SRGAP3: variants seen among roughly 807,000 people sequenced by gnomAD.
SRGAP3 encodes SLIT-ROBO Rho GTPase-activating protein 3.
Under a neutral mutation model 121.1 loss-of-function variants are expected in SRGAP3, and 39 were observed. That is an observed-to-expected ratio of 0.32 (90% CI 0.25 to 0.42). SRGAP3 has a LOEUF of 0.42. Among genes scored for constraint, SRGAP3 ranks in the 10% least tolerant of loss-of-function variants. The pLI, the probability that SRGAP3 is intolerant of heterozygous loss-of-function variation, is 1.00. For synonymous variants in SRGAP3, 601 were observed against 570.0 expected, an observed-to-expected ratio of 1.05 and a Z score of -0.77; for missense variants, 1,213 against 1,470.6, an observed-to-expected ratio of 0.82 and a Z score of 2.86.
In SRGAP3 at chr3:9,124,353, C is replaced by T. The variant is rs112762196; in HGVS notation, c.260+372G>A. 4.9e-4 allele frequency among the ~76,000 whole-genome samples: 75 copies of T among 152,266 alleles called. No individual in the cohort carries two copies. In the South Asian group the frequency reaches 5.8e-3, roughly 12 times the overall value. On this transcript the variant is annotated intron_variant, in intron 2 of 21. Coordinates refer to ENST00000383836, the MANE Select transcript of SRGAP3 (RefSeq NM_014850.4). ...ACACCCAAATAAAGGACAACTGGATCGGGACAGGATGTCCTGAAGGGAGGT... is the reference window on the plus strand; with the variant it reads ...ACACCCAAATAAAGGACAACTGGATTGGGACAGGATGTCCTGAAGGGAGGT...
At chr3:9,160,834 AG>A (rs1481247353) in intron 1 of SRGAP3, among the ~76,000 whole-genome samples, 1 of 152,252 alleles carries the variant, frequency 6.6e-6, no homozygotes, top group African/African-American at 2.4e-5. Context: ...CTATTCCCCA[AG>A]TTTATCACAC....
chr3:9,013,245 T>G (rs532296680), intron 17 of SRGAP3, 63 bp downstream of exon 17: 2 of 1,514,650 alleles, frequency 1.3e-6, no homozygotes, highest in South Asian at 2.3e-5. Flanking sequence ...GGTTTCTTAT[T>G]GTTCCTATTC....
intron 1 of SRGAP3, among the ~76,000 whole-genome samples, chr3:9,164,632 C>G (rs568846060): frequency 6.6e-6 from 1 of 152,290 alleles, no homozygotes; most frequent in African/African-American, 2.4e-5. Flanking sequence ...CTCACAGATG[C>G]ACACAGTTTT....
chr3:9,258,302 T>G (rs1186283341), intron 3 of SRGAP3, among the ~76,000 whole-genome samples: 1 of 152,040 alleles, frequency 6.6e-6, no homozygotes, highest in Non-Finnish European at 1.5e-5. Flanking sequence ...GGGAAAGTAT[T>G]CCCAGCTAAG....
chr3:9,350,881 AC>A (rs1300210565), intron 1 of SRGAP3, among the ~76,000 whole-genome samples: 4 of 152,070 alleles, frequency 2.6e-5, no homozygotes, highest in African/African-American at 9.7e-5. Context: ...ATAACAAACT[AC>A]CCCAAAACTT....
At chr3:9,061,696 A>C (rs1175572798) in intron 5 of SRGAP3, among the ~76,000 whole-genome samples, 4 of 152,206 alleles carry the variant, frequency 2.6e-5, no homozygotes, top group African/African-American at 9.6e-5. Context: ...GTCCCTGCAC[A>C]AGGTCATTTT....
chr3:9,280,075 A>G (rs1954649830), intron 3 of SRGAP3, among the ~76,000 whole-genome samples: 2 of 152,220 alleles, frequency 1.3e-5, no homozygotes, highest in African/African-American at 4.8e-5. Context: ...AGGAAACCAT[A>G]GCGACCACAA....
chr3:9,137,573 C>T (rs1227626622), intron 1 of SRGAP3, among the ~76,000 whole-genome samples: 6 of 152,164 alleles, frequency 3.9e-5, no homozygotes, highest in Non-Finnish European at 5.9e-5. Flanking sequence ...GTCCCCAACA[C>T]ACTAGGGAAT....
intron 1 of SRGAP3, among the ~76,000 whole-genome samples, chr3:9,162,118 T>A (rs1421808590): frequency 2.0e-5 from 3 of 152,060 alleles, no homozygotes; most frequent in Non-Finnish European, 4.4e-5. Flanking sequence ...GTTGTCAAGT[T>A]CATAGAGACA....
At chr3:9,081,807 A>G (rs2125269929) in intron 3 of SRGAP3, among the ~76,000 whole-genome samples, 1 of 152,274 alleles carries the variant, frequency 6.6e-6, no homozygotes, top group Admixed American at 6.5e-5. Flanking sequence ...TTTATTTATG[A>G]TTGTGATTAT....
At chr3:9,046,065 T>C (rs1945262271) in intron 10 of SRGAP3, among the ~76,000 whole-genome samples, 1 of 152,082 alleles carries the variant, frequency 6.6e-6, no homozygotes, top group Admixed American at 6.5e-5. Context: ...GGGTAAAATT[T>C]AGAGGGAAAG....
intron 3 of SRGAP3, among the ~76,000 whole-genome samples, chr3:9,304,836 C>T (rs1351421854): frequency 6.6e-6 from 1 of 152,102 alleles, no homozygotes; most frequent in Non-Finnish European, 1.5e-5. Flanking sequence ...AGGGACAGTC[C>T]ACTGGGTTGC....
At chr3:9,359,120 G>A (rs2030666758) in intron 1 of SRGAP3, among the ~76,000 whole-genome samples, 1 of 152,156 alleles carries the variant, frequency 6.6e-6, no homozygotes, top group Admixed American at 6.5e-5. Context: ...TGGTTACTAG[G>A]GAGAATGATT....
chr3:9,038,200 A>C, intron 10 of SRGAP3, 110 bp from the exon 11 acceptor site: 1 of 1,428,994 alleles, frequency 7.0e-7, no homozygotes, highest in Non-Finnish European at 9.7e-7. Context: ...TTTATGAAAT[A>C]TGAAATCTAA....
chr3:9,163,467 A>T (rs1424726173), intron 1 of SRGAP3, among the ~76,000 whole-genome samples: 17 of 152,118 alleles, frequency 1.1e-4, no homozygotes, highest in Admixed American at 1.1e-3. Context: ...AGGCGTTTTG[A>T]ATGTGGCTGC....
intron 3 of SRGAP3, among the ~76,000 whole-genome samples, chr3:9,283,017 A>G (rs116938756): frequency 0.018 from 2,711 of 150,048 alleles, 45 homozygotes; most frequent in South Asian, 0.086. Context: ...GTTCACTGCA[A>G]TCTCTGTCTG....
At chr3:9,198,711 A>G (rs1951983004) in intron 1 of SRGAP3, among the ~76,000 whole-genome samples, 1 of 152,192 alleles carries the variant, frequency 6.6e-6, no homozygotes, top group Non-Finnish European at 1.5e-5. Context: ...GAATACGTCA[A>G]TAGGTGCAAG....
chr3:9,267,445 G>T (rs933205735), intron 3 of SRGAP3, among the ~76,000 whole-genome samples: 6 of 152,200 alleles, frequency 3.9e-5, no homozygotes, highest in African/African-American at 1.4e-4. Flanking sequence ...TTCAGTTGGG[G>T]TCTGTTCTGG....
chr3:9,339,598 T>A (rs762701169), intron 1 of SRGAP3, among the ~76,000 whole-genome samples: 12 of 152,242 alleles, frequency 7.9e-5, no homozygotes, highest in Non-Finnish European at 1.8e-4. Flanking sequence ...CCAGTCAGCA[T>A]CGGCTGATTG....
Sources: gnomAD v4.1 joint callset for allele counts (sites outside exome capture counted in the v4.1 genomes callset) on GRCh38, gnomAD v4.1.1 for gene constraint, MANE v1.5 for transcripts, NCBI Gene and HGNC (gene_info 2026-07-23, HGNC 2026-07-21) for gene names.